GRK5: variants seen among roughly 807,000 people sequenced by gnomAD.
The protein encoded by GRK5 is g protein-coupled receptor kinase GRK5.
A neutral mutation model predicts 78.4 loss-of-function variants in GRK5; 40 were observed. The ratio of observed to expected loss-of-function variants is 0.51; its 90% CI spans 0.40 to 0.66. The LOEUF is 0.66. Among genes scored for constraint, GRK5 ranks in the 30% least tolerant of loss-of-function variants. The pLI is 0.00. For synonymous variants in GRK5, 289 were observed against 296.8 expected, an observed-to-expected ratio of 0.97 and a Z score of 0.27; for missense variants, 598 against 759.9, an observed-to-expected ratio of 0.79 and a Z score of 2.50.
chr10:119,442,524 C>T (rs1278605711), intron 11 of GRK5, among the ~76,000 whole-genome samples: 1 of 152,226 alleles, frequency 6.6e-6, no homozygotes, highest in African/African-American at 2.4e-5. Flanking sequence ...GCCTTGGGCT[C>T]CTGCCACCTT....
At chr10:119,263,184 T>C (rs575600847) in intron 1 of GRK5, among the ~76,000 whole-genome samples, 2 of 152,162 alleles carry the variant, frequency 1.3e-5, no homozygotes, top group South Asian at 4.2e-4. Context: ...TTTTTGTATT[T>C]TTAGTAGAGA....
chr10:119,236,130 C>A (rs992640922), intron 1 of GRK5, among the ~76,000 whole-genome samples: 10 of 152,194 alleles, frequency 6.6e-5, no homozygotes, highest in Non-Finnish European at 1.5e-4. Flanking sequence ...AATCTCAGCA[C>A]TTTGGGAGGC....
At position 119,314,761 on chromosome 10, in the gene GRK5, G is replaced by A. The variant is rs531507889; in HGVS notation, c.53-11755G>A. ...TTACTGGGAGCAGTCTCCTCCTGAC[G>A]CCACTAGACCTTGACCTCGCAGCTC... is the stretch of plus-strand genomic sequence containing the variant. On this transcript the variant is annotated intron_variant, in intron 1 of 15. Transcript: ENST00000392870. Among the ~76,000 whole-genome samples, 13 of 152,316 alleles carry A rather than the reference G, an allele frequency of 8.5e-5. 2 individuals carry two copies. The South Asian group carries it at 2.5e-3, about 29-fold the overall frequency.
rs575695347 is a variant in GRK5 at position 119,419,999 on chromosome 10, A to G, written c.340-3167A>G. ...AGGGGATAAGGTGAGAGTGGGGCAC[A>G]GGTGGCCCAGACAGCCCACTCCCTC... On this transcript the variant is annotated intron_variant, in intron 4 of 15. Coordinates refer to ENST00000392870, the MANE Select transcript of GRK5 (RefSeq NM_005308.3). Among the ~76,000 whole-genome samples the G allele has an allele frequency of 3.3e-5, 5 of 152,318 alleles. No individual in the cohort carries two copies. In the East Asian group the frequency reaches 9.6e-4, roughly 29 times the overall value.
chr10:119,297,595 T>TTAA (rs1466992521), intron 1 of GRK5, among the ~76,000 whole-genome samples: 3 of 152,234 alleles, frequency 2.0e-5, no homozygotes, highest in Non-Finnish European at 4.4e-5. Flanking sequence ...TATGAATGGA[T>TTAA]TAATGTTGTC....
Position 119,439,754 on chromosome 10 carries a change from T to C in GRK5, c.953T>C (p.Leu318Pro). Residue 318 changes from leucine (L) to proline (P), a missense_variant, in exon 10 of 16, where the codon CTG (leucine) becomes CCG (proline). Transcript: ENST00000392870. ...AGAGATCTGAAACCTGAAAACATCC[T>C]GTTAGATGATTATGGTAAGTCTTTT... is the stretch of plus-strand genomic sequence containing the variant. ...VYRDLKPENI[L>P]LDDYGHIRIS... 6.2e-7 allele frequency: 1 copy of C among 1,614,070 alleles called. No homozygotes were observed. The highest frequency in any genetic ancestry group is 8.5e-7 in the Non-Finnish European group (1 of 1,179,966).
At position 119,281,114 on chromosome 10, in the gene GRK5, G is replaced by A. The variant is rs186310959; in HGVS notation, c.53-45402G>A. 2.2e-4 allele frequency among the ~76,000 whole-genome samples: 33 copies of A among 150,858 alleles called. 1 individual carries two copies. The highest frequency in any genetic ancestry group is 4.4e-4 in the Non-Finnish European group (30 of 67,596). On this transcript the variant is annotated intron_variant, in intron 1 of 15. Coordinates refer to ENST00000392870, the MANE Select transcript of GRK5 (RefSeq NM_005308.3). The stretch of plus-strand genomic sequence containing the variant: ...TTCTGCAGGGTAAAGCCTCAGGGCC[G>A]GCCCATTGCTTTCAGGACTTTTCTC...
chr10:119,361,358 G>A (rs1267518064), intron 2 of GRK5, among the ~76,000 whole-genome samples: 3 of 152,218 alleles, frequency 2.0e-5, no homozygotes, highest in Admixed American at 6.5e-5. Flanking sequence ...GAGGCCTCGA[G>A]GCCATCATGA....
intron 1 of GRK5, among the ~76,000 whole-genome samples, chr10:119,261,792 C>G (rs968964274): frequency 5.9e-5 from 9 of 152,030 alleles, no homozygotes; most frequent in Admixed American, 2.0e-4. Flanking sequence ...GCAGGCACTC[C>G]GCAGGCTGAG....
intron 11 of GRK5, among the ~76,000 whole-genome samples, chr10:119,443,329 C>G (rs10749320): frequency 0.73 from 110,617 of 152,106 alleles, 40,648 homozygotes; most frequent in Non-Finnish European, 0.76. Context: ...GTGCAGGACA[C>G]CTCCATCCAC....
intron 2 of GRK5, among the ~76,000 whole-genome samples, chr10:119,363,448 G>A (rs1851397332): frequency 6.6e-6 from 1 of 152,222 alleles, no homozygotes; most frequent in African/African-American, 2.4e-5. Context: ...CTAGTACGTG[G>A]TTGTAGAAGG....
intron 1 of GRK5, among the ~76,000 whole-genome samples, chr10:119,230,210 G>C (rs1477564696): frequency 6.6e-6 from 1 of 152,162 alleles, no homozygotes; most frequent in Non-Finnish European, 1.5e-5. Context: ...AGCCGGCCAG[G>C]TACGGTAGCT....
intron 2 of GRK5, among the ~76,000 whole-genome samples, chr10:119,358,805 C>T (rs1851309255): frequency 6.6e-6 from 1 of 152,200 alleles, no homozygotes; most frequent in African/African-American, 2.4e-5. Context: ...CCTCACAGTT[C>T]TGGGGGCCAC....
intron 13 of GRK5, among the ~76,000 whole-genome samples, chr10:119,450,318 C>T (rs908793658): frequency 1.3e-5 from 2 of 152,194 alleles, no homozygotes; most frequent in African/African-American, 2.4e-5. Context: ...GGAGCTATTC[C>T]TCTACCTTCC....
intron 1 of GRK5, among the ~76,000 whole-genome samples, chr10:119,230,895 C>T (rs992818591): frequency 2.0e-5 from 3 of 147,680 alleles, no homozygotes; most frequent in East Asian, 2.0e-4. Context: ...TCAAAAACTA[C>T]CTGTACTTGA....
chr10:119,272,602 GA>G (rs1849601760), intron 1 of GRK5, among the ~76,000 whole-genome samples: 1 of 144,516 alleles, frequency 6.9e-6, no homozygotes, highest in South Asian at 2.3e-4. Context: ...AAGAAAGAAA[GA>G]AAGAAACAAG....
chr10:119,336,012 T>C lies in GRK5; in HGVS notation c.148+9401T>C, dbSNP rs1344238990. 3 of 152,384 alleles carry C rather than the reference T, an allele frequency of 2.0e-5. No homozygotes were observed. The highest frequency in any genetic ancestry group is 7.2e-5 in the African/African-American group (3 of 41,448). 9.4% of individuals were successfully genotyped at this position (152,384 alleles called of 1,614,324 possible). ...ATTGTCATCGTCATCCTCACGGCGA[T>C]AGTGGTTTGAGGGCAGAGGTTGAGG... On this transcript the variant is annotated intron_variant, in intron 2 of 15. Transcript: ENST00000392870. This position sits in a 1 kb window ranked among gnomAD's most constrained non-coding sequence, Gnocchi z 4.5.
intron 1 of GRK5, among the ~76,000 whole-genome samples, chr10:119,258,772 G>A (rs1219958472): frequency 6.6e-6 from 1 of 152,198 alleles, no homozygotes; most frequent in Non-Finnish European, 1.5e-5. Flanking sequence ...GGAGTGGAGA[G>A]GGGAGAGGAA....
At chr10:119,270,161 G>T (rs1849563005) in intron 1 of GRK5, among the ~76,000 whole-genome samples, 1 of 152,210 alleles carries the variant, frequency 6.6e-6, no homozygotes, top group East Asian at 1.9e-4. Context: ...CTCCTTTGCA[G>T]CCCACTGCCA....
Sources: gnomAD v4.1 joint callset for allele counts (sites outside exome capture counted in the v4.1 genomes callset) on GRCh38, gnomAD v4.1.1 for gene constraint, Gnocchi (gnomAD v3.1) non-coding constraint, MANE v1.5 for transcripts, NCBI Gene and HGNC (gene_info 2026-07-23, HGNC 2026-07-21) for gene names.